Variants in CHODL observed in about 807,000 individuals in gnomAD.
CHODL encodes the protein chondrolectin, also known as transmembrane protein MT75.
CHODL carries 29 observed loss-of-function variants against 34.5 expected under a neutral mutation model. The ratio of observed to expected loss-of-function variants is 0.84; its 90% CI spans 0.63 to 1.15. The LOEUF is 1.15. CHODL is among the 50% of genes most tolerant of loss of function. The pLI, the probability that CHODL is intolerant of heterozygous loss-of-function variation, is 0.00. For missense variants in CHODL, 332 were observed against 332.5 expected (o/e 1.00, Z 0.01); for synonymous variants, 125 against 116.1 (o/e 1.08, Z -0.49).
intron 2 of CHODL, among the ~76,000 whole-genome samples, chr21:18,209,844 A>T (rs1015276752): frequency 1.6e-4 from 24 of 152,154 alleles, no homozygotes; most frequent in African/African-American, 5.8e-4. Flanking sequence ...CTGGAATGGG[A>T]GGACTTAGGA....
chr21:18,147,228 A>G (rs1167228573), intron 2 of CHODL, among the ~76,000 whole-genome samples: 4 of 152,206 alleles, frequency 2.6e-5, no homozygotes, highest in Non-Finnish European at 4.4e-5. Context: ...TGGTTTGGTT[A>G]TGTGTGTACA....
At chr21:18,237,207 G>A (rs73316301) in intron 2 of CHODL, among the ~76,000 whole-genome samples, 4,807 of 152,196 alleles carry the variant, frequency 0.032, 261 homozygotes, top group African/African-American at 0.11. Flanking sequence ...CATATTCTTG[G>A]AAGATGTTAC....
chr21:18,212,243 A>G (rs1601154556), intron 2 of CHODL, among the ~76,000 whole-genome samples: 1 of 152,304 alleles, frequency 6.6e-6, no homozygotes, highest in African/African-American at 2.4e-5. Context: ...CCCAAACAAT[A>G]TCATAGTTAA....
At chr21:17,953,864 G>C (rs915300722) in intron 1 of CHODL, among the ~76,000 whole-genome samples, 4 of 151,968 alleles carry the variant, frequency 2.6e-5, no homozygotes, top group African/African-American at 7.3e-5. Context: ...ACAAACATTA[G>C]CTGGGTGTGG....
chr21:18,226,892 T>A (rs1345904820), intron 2 of CHODL, among the ~76,000 whole-genome samples: 2 of 152,186 alleles, frequency 1.3e-5, no homozygotes, highest in Non-Finnish European at 2.9e-5. Flanking sequence ...TTCTGTTTTA[T>A]TTATCTGCAT....
intron 2 of CHODL, among the ~76,000 whole-genome samples, chr21:18,108,884 T>C (rs2065311340): frequency 6.6e-6 from 1 of 150,952 alleles, no homozygotes; most frequent in Admixed American, 6.6e-5. Context: ...TCTTCTAACT[T>C]TTTCTTTCTC....
chr21:17,986,891 G>A (rs779255365), intron 1 of CHODL, among the ~76,000 whole-genome samples: 11 of 152,096 alleles, frequency 7.2e-5, no homozygotes, highest in Non-Finnish European at 1.0e-4. Context: ...AGATACATAC[G>A]TTTTAATAGT....
chr21:18,011,586 T>C (rs1271609018), intron 1 of CHODL, among the ~76,000 whole-genome samples: 1 of 152,218 alleles, frequency 6.6e-6, no homozygotes, highest in Non-Finnish European at 1.5e-5. Context: ...GTAAGTTCAC[T>C]ACAGCTCTTG....
chr21:18,196,987 C>T (rs553716402), intron 2 of CHODL, among the ~76,000 whole-genome samples: 9 of 152,112 alleles, frequency 5.9e-5, no homozygotes, highest in South Asian at 2.1e-4. Flanking sequence ...CACACCCGTG[C>T]GTACACACAA....
rs951320639 is a variant in CHODL, at chr21:18,117,708, AAAAT to A, written c.-45+89752_-45+89755del. ...TTAAATAAGAATAAATAAATAAGATAAAATAAATAAATAAATAAGAAGAAATAAA... is the reference window on the plus strand; with the variant it reads ...TTAAATAAGAATAAATAAATAAGATAAAATAAATAAATAAGAAGAAATAAA... On this transcript the variant is annotated intron_variant, in intron 2 of 6. Coordinates refer to the CHODL transcript ENST00000400127. Among the ~76,000 whole-genome samples the A allele has an allele frequency of 2.1e-3, 306 of 144,620 alleles. 1 individual carries two copies. The highest frequency in any genetic ancestry group is 1.0e-2 in the South Asian group (42 of 4,216). The allele number at this position is 144,620 out of a possible 152,430, so 94.9% of individuals were successfully genotyped here. A position where few individuals can be genotyped will look rare whatever the true frequency, so the allele number is the denominator to read the frequency against.
At chr21:18,018,941 TC>T (rs1423448069) in intron 1 of CHODL, among the ~76,000 whole-genome samples, 6 of 152,212 alleles carry the variant, frequency 3.9e-5, no homozygotes, top group African/African-American at 9.6e-5. Context: ...ATTGCAACCT[TC>T]TAATACCCTC....
chr21:17,943,134 A>G (rs1273431769), intron 1 of CHODL, among the ~76,000 whole-genome samples: 1 of 152,242 alleles, frequency 6.6e-6, no homozygotes, highest in Non-Finnish European at 1.5e-5. Flanking sequence ...CAGTGTGAGA[A>G]CAGACTAATA....
At chr21:18,071,996 A>AT (rs2064811219) in intron 2 of CHODL, among the ~76,000 whole-genome samples, 2 of 152,084 alleles carry the variant, frequency 1.3e-5, no homozygotes, top group Non-Finnish European at 2.9e-5. Flanking sequence ...TATTTAAATA[A>AT]ATCTTTTTTA....
At chr21:18,231,437 C>G (rs2073977876) in intron 2 of CHODL, among the ~76,000 whole-genome samples, 1 of 152,102 alleles carries the variant, frequency 6.6e-6, no homozygotes, top group Non-Finnish European at 1.5e-5. Flanking sequence ...TTTAAACATG[C>G]CTCTTTTCCA....
chr21:17,990,443 T>C (rs569054570), intron 1 of CHODL, among the ~76,000 whole-genome samples: 1 of 152,236 alleles, frequency 6.6e-6, no homozygotes, highest in South Asian at 2.1e-4. Flanking sequence ...CTTTCCTGTA[T>C]AGAAAATGAG....
chr21:17,994,377 C>A lies in CHODL; in HGVS notation c.-144-33495C>A, dbSNP rs143582302. 4.8e-3 allele frequency among the ~76,000 whole-genome samples: 730 copies of A among 152,298 alleles called. 1 individual carries two copies. The highest frequency in any genetic ancestry group is 0.016 in the African/African-American group (671 of 41,564). Reference sequence around the variant, plus strand: ...GCAGTAGAGGGAGCAGGCCAATCCTCAAGTCCTCCAGCAGCATGTGTGGTC... The same window carrying A: ...GCAGTAGAGGGAGCAGGCCAATCCTAAAGTCCTCCAGCAGCATGTGTGGTC... On this transcript the variant is annotated intron_variant, in intron 1 of 6. Transcript: ENST00000400127.
intron 2 of CHODL, among the ~76,000 whole-genome samples, chr21:18,110,849 A>T: frequency 6.6e-6 from 1 of 151,962 alleles, no homozygotes; most frequent in East Asian, 1.9e-4. Flanking sequence ...TTTCATTTTC[A>T]TATTTTTCTT....
At chr21:18,250,483 G>A (rs977984350) in intron 1 of CHODL, among the ~76,000 whole-genome samples, 29 of 151,712 alleles carry the variant, frequency 1.9e-4, no homozygotes, top group African/African-American at 7.0e-4. Flanking sequence ...GTTTATTAAT[G>A]TAAGAAAATA....
At chr21:18,243,823 AC>A (rs148936460), upstream of CHODL, among the ~76,000 whole-genome samples, 593 of 152,324 alleles carry the variant, frequency 3.9e-3, no homozygotes, top group African/African-American at 0.013. Context: ...CTTACAGTGT[AC>A]CCGTGGCTTA....
Sources: gnomAD v4.1 joint callset for allele counts (sites outside exome capture counted in the v4.1 genomes callset) on GRCh38, gnomAD v4.1.1 for gene constraint, MANE v1.5 for transcripts, NCBI Gene and HGNC (gene_info 2026-07-23, HGNC 2026-07-21) for gene names.